The following CDH18 variants were observed in gnomAD, a reference collection of about 807,000 sequenced individuals.
CDH18 encodes cadherin-18.
CDH18 carries 31 observed loss-of-function variants against 67.9 expected under a neutral mutation model. The ratio of observed to expected loss-of-function variants is 0.46; its 90% CI spans 0.34 to 0.62. The LOEUF (loss-of-function observed/expected upper bound fraction) is 0.62, where lower values mean the gene tolerates loss of function less well. Ranked by LOEUF, CDH18 falls within the 20% of genes least tolerant of loss-of-function variation. CDH18 has a pLI of 0.01. For synonymous variants in CDH18, 362 were observed against 347.2 expected, an observed-to-expected ratio of 1.04 and a Z score of -0.48; for missense variants, 890 against 975.5, an observed-to-expected ratio of 0.91 and a Z score of 1.17.
chr5:19,779,833 CA>C (rs2149777386), intron 3 of CDH18, among the ~76,000 whole-genome samples: 1 of 152,178 alleles, frequency 6.6e-6, no homozygotes, highest in African/African-American at 2.4e-5. Flanking sequence ...TCATCAGGGT[CA>C]AATAGCCAAT....
At chr5:19,931,664 G>GA (rs1007650671) in intron 2 of CDH18, among the ~76,000 whole-genome samples, 9 of 151,390 alleles carry the variant, frequency 5.9e-5, no homozygotes, top group African/African-American at 2.2e-4. Context: ...CATGAGAAGT[G>GA]AAAAAAAACT....
At chr5:20,157,828 G>A (rs112776979) in intron 2 of CDH18, among the ~76,000 whole-genome samples, 52 of 152,096 alleles carry the variant, frequency 3.4e-4, no homozygotes, top group African/African-American at 1.3e-3. Context: ...TTTTAGTAGA[G>A]ATGGGGTTTC....
At chr5:19,622,033 A>G (rs1750796641) in intron 5 of CDH18, among the ~76,000 whole-genome samples, 1 of 152,146 alleles carries the variant, frequency 6.6e-6, no homozygotes, top group South Asian at 2.1e-4. Context: ...GGATGAAAAA[A>G]TAAGAAAGAA....
intron 9 of CDH18, 72 bp downstream of exon 9, chr5:19,543,797 G>T: frequency 1.8e-6 from 2 of 1,103,032 alleles, no homozygotes; most frequent in Non-Finnish European, 2.6e-6. Flanking sequence ...TGAGAGCCCT[G>T]CTCTTAAGGA....
chr5:19,589,118 T>C lies in CDH18; in HGVS notation c.999+1939A>G, dbSNP rs1045345627. 2.6e-5 allele frequency among the ~76,000 whole-genome samples: 4 copies of C among 152,234 alleles called. No homozygotes were observed. The East Asian group carries it at 7.7e-4, about 29-fold the overall frequency. On this transcript the variant is annotated intron_variant, in intron 7 of 12. Coordinates refer to ENST00000382275, the MANE Select transcript of CDH18 (RefSeq NM_004934.5). ...CAAAACAACAGAATATACATTCTCCTCGTTGCCACATGACACTTACTCTAA... is the reference window on the plus strand; with the variant it reads ...CAAAACAACAGAATATACATTCTCCCCGTTGCCACATGACACTTACTCTAA...
intron 1 of CDH18, among the ~76,000 whole-genome samples, chr5:20,334,824 T>C (rs1448652630): frequency 2.0e-5 from 3 of 149,522 alleles, no homozygotes; most frequent in African/African-American, 5.0e-5. Context: ...AAGCACAACC[T>C]GATTCTTTCA....
At chr5:19,900,492 T>C (rs1789824836) in intron 2 of CDH18, among the ~76,000 whole-genome samples, 1 of 152,178 alleles carries the variant, frequency 6.6e-6, no homozygotes, top group African/African-American at 2.4e-5. Flanking sequence ...GCACAATGTA[T>C]ACATGTATCA....
chr5:19,956,973 A>ATAGCTATCTATAAT (rs1029200875), intron 2 of CDH18, among the ~76,000 whole-genome samples: 2 of 151,934 alleles, frequency 1.3e-5, no homozygotes, highest in Non-Finnish European at 2.9e-5. Context: ...ATGTCTCTAT[A>ATAGCTATCTATAAT]TAGCTATCTA....
chr5:20,220,006 T>C (rs1302048969), intron 2 of CDH18, among the ~76,000 whole-genome samples: 1 of 151,912 alleles, frequency 6.6e-6, no homozygotes, highest in Non-Finnish European at 1.5e-5. Flanking sequence ...ATATTTTATA[T>C]TCATGAGTTG....
intron 3 of CDH18, among the ~76,000 whole-genome samples, chr5:19,805,679 C>T (rs1246750394): frequency 6.6e-6 from 1 of 152,190 alleles, no homozygotes; most frequent in Non-Finnish European, 1.5e-5. Context: ...AAGCCGGAGC[C>T]TGCCAACCAC....
chr5:19,937,802 A>G (rs1438880923), intron 2 of CDH18, among the ~76,000 whole-genome samples: 2 of 151,132 alleles, frequency 1.3e-5, no homozygotes, highest in Non-Finnish European at 3.0e-5. Flanking sequence ...ATATATATAG[A>G]GAGAGACATT....
intron 10 of CDH18, among the ~76,000 whole-genome samples, chr5:19,507,942 T>TA (rs1744477345): frequency 6.6e-6 from 1 of 151,918 alleles, no homozygotes; most frequent in South Asian, 2.1e-4. Flanking sequence ...AGTCTCTACA[T>TA]AAAAAATGAG....
At chr5:19,795,698 A>G (rs1776784037) in intron 3 of CDH18, among the ~76,000 whole-genome samples, 1 of 152,148 alleles carries the variant, frequency 6.6e-6, no homozygotes, top group African/African-American at 2.4e-5. Context: ...AAAATCACCT[A>G]CTATACCAAG....
chr5:20,283,727 A>T (rs1746467641), intron 1 of CDH18, among the ~76,000 whole-genome samples: 1 of 152,028 alleles, frequency 6.6e-6, no homozygotes, highest in African/African-American at 2.4e-5. Context: ...GAGCTACCAT[A>T]TGATCCAGCA....
intron 2 of CDH18, among the ~76,000 whole-genome samples, chr5:20,114,551 T>A (rs570587210): frequency 9.3e-4 from 142 of 152,278 alleles, no homozygotes; most frequent in African/African-American, 3.3e-3. Flanking sequence ...TAAAAATTTT[T>A]AAATTACCAT....
intron 2 of CDH18, among the ~76,000 whole-genome samples, chr5:20,123,910 T>C (rs534580064): frequency 6.7e-6 from 1 of 149,868 alleles, no homozygotes; most frequent in Non-Finnish European, 1.5e-5. Flanking sequence ...AAAAAAAGAA[T>C]TTACAGGCCA....
chr5:20,024,418 A>G (rs1305958846), intron 2 of CDH18, among the ~76,000 whole-genome samples: 1 of 152,158 alleles, frequency 6.6e-6, no homozygotes, highest in African/African-American at 2.4e-5. Context: ...GACCTGGTGG[A>G]AGTAACGTGA....
intron 2 of CDH18, among the ~76,000 whole-genome samples, chr5:19,902,702 GT>G (rs1287227385): frequency 1.3e-5 from 2 of 152,320 alleles, no homozygotes; most frequent in East Asian, 3.9e-4. Context: ...AAACTGCCAA[GT>G]TTAGGGGAAA....
chr5:20,403,912 G>A (rs752066613), intron 1 of CDH18, among the ~76,000 whole-genome samples: 1 of 152,022 alleles, frequency 6.6e-6, no homozygotes. Flanking sequence ...AATATAAGAC[G>A]GTTTCCCTAC....
Sources: allele counts gnomAD v4.1 joint callset (sites outside exome capture counted in the v4.1 genomes callset), GRCh38; gene constraint gnomAD v4.1.1; transcripts MANE v1.5; gene names NCBI Gene and HGNC (gene_info 2026-07-23, HGNC 2026-07-21).